CORO2B: variants seen among roughly 807,000 people sequenced by gnomAD.
CORO2B encodes the protein coronin-2B.
Under a neutral mutation model 58.8 loss-of-function variants are expected in CORO2B, and 26 were observed. The ratio of observed to expected loss-of-function variants is 0.44; its 90% CI spans 0.32 to 0.61. The LOEUF (loss-of-function observed/expected upper bound fraction) is 0.61, where lower values mean the gene tolerates loss of function less well. Ranked by LOEUF, CORO2B falls within the 20% of genes least tolerant of loss-of-function variation. The pLI is 0.04. For synonymous variants in CORO2B, 242 were observed against 253.8 expected, an observed-to-expected ratio of 0.95 and a Z score of 0.44; for missense variants, 460 against 645.1, an observed-to-expected ratio of 0.71 and a Z score of 3.11.
chr15:68,725,310 A>G (rs1011417166), intron 11 of CORO2B, among the ~76,000 whole-genome samples: 1 of 152,196 alleles, frequency 6.6e-6, no homozygotes, highest in Non-Finnish European at 1.5e-5. Context: ...CAGAGGTTGC[A>G]GTGAGCCGAA....
intron 2 of CORO2B, among the ~76,000 whole-genome samples, chr15:68,654,257 G>T (rs944046394): frequency 3.3e-5 from 5 of 152,218 alleles, no homozygotes; most frequent in Non-Finnish European, 7.3e-5. Flanking sequence ...TATGGGATGG[G>T]TGTTCTCTGG....
intron 2 of CORO2B, among the ~76,000 whole-genome samples, chr15:68,670,093 T>A (rs931396904): frequency 2.6e-5 from 4 of 151,992 alleles, no homozygotes; most frequent in Non-Finnish European, 5.9e-5. Context: ...AAGAAAAATT[T>A]AAAAATTTTT....
At chr15:68,527,963 T>G in the CORO2B span, among the ~76,000 whole-genome samples, 4 of 152,316 alleles carry the variant, frequency 2.6e-5, no homozygotes, top group African/African-American at 7.2e-5. Flanking sequence ...AGCTGATCTT[T>G]ACTTATTAGC....
intron 9 of CORO2B, 71 bp downstream of exon 9, chr15:68,718,881 G>T: frequency 7.6e-7 from 1 of 1,322,824 alleles, no homozygotes; most frequent in South Asian, 1.2e-5. Context: ...CACTGACCAT[G>T]ACCCTGGAGA....
At chr15:68,613,518 G>T (rs920042854) in intron 1 of CORO2B, among the ~76,000 whole-genome samples, 5 of 152,132 alleles carry the variant, frequency 3.3e-5, no homozygotes, top group Non-Finnish European at 5.9e-5. Flanking sequence ...GGCTGGCAAG[G>T]TTCTCCCTGA....
chr15:68,564,752 G>T, the CORO2B span, among the ~76,000 whole-genome samples: 2 of 152,194 alleles, frequency 1.3e-5, no homozygotes, highest in African/African-American at 4.8e-5. Flanking sequence ...AAAGTAAACG[G>T]TCAAATCATA....
chr15:68,549,766 C>T, the CORO2B span, among the ~76,000 whole-genome samples: 1 of 152,190 alleles, frequency 6.6e-6, no homozygotes, highest in Admixed American at 6.5e-5. Context: ...TGGTGAAACC[C>T]TGTCTCTACT....
At chr15:68,723,082 A>G (rs1297212987) in intron 11 of CORO2B, among the ~76,000 whole-genome samples, 1 of 151,246 alleles carries the variant, frequency 6.6e-6, no homozygotes, top group African/African-American at 2.4e-5. Context: ...AAACAAAAAC[A>G]AAAGGAGAGA....
intron 2 of CORO2B, among the ~76,000 whole-genome samples, chr15:68,649,617 T>C (rs1182501495): frequency 6.6e-6 from 1 of 152,242 alleles, no homozygotes; most frequent in African/African-American, 2.4e-5. Flanking sequence ...TATCTGTCAA[T>C]AGTTAGCATA....
chr15:68,637,198 C>T (rs1467235523), intron 1 of CORO2B, among the ~76,000 whole-genome samples: 1 of 152,182 alleles, frequency 6.6e-6, no homozygotes, highest in African/African-American at 2.4e-5. Context: ...AGAGAAATGG[C>T]ACAGTCCATG....
chr15:68,697,383 C>T (rs555094580), intron 3 of CORO2B, among the ~76,000 whole-genome samples: 2 of 152,262 alleles, frequency 1.3e-5, no homozygotes, highest in East Asian at 1.9e-4. Context: ...AAGATAAACA[C>T]ATGAACAAGT....
At chr15:68,677,256 G>A (rs534899764) in intron 2 of CORO2B, among the ~76,000 whole-genome samples, 29 of 152,260 alleles carry the variant, frequency 1.9e-4, no homozygotes, top group South Asian at 6.2e-4. Flanking sequence ...ATATTTGCAG[G>A]GTGCACTGCT....
Position 68,645,354 on chromosome 15 carries a change from G to A in CORO2B, c.210G>A (p.Leu70=). Residue 70 remains leucine, a synonymous_variant, in exon 2 of 12, where the codon CTG becomes CTA. Coordinates refer to ENST00000261861, the MANE Select transcript of CORO2B (RefSeq NM_006091.5). This position sits in a 1 kb window ranked among gnomAD's most constrained non-coding sequence, Gnocchi z 4.5. The stretch of plus-strand genomic sequence containing the variant: ...GCGGCTCCTTCCTCGTCATCCCCCT[G>A]GAGCAGGTAGGTGGCCCCTACCTTC... ...AGGGSFLVIP[L]EQTGRIEPNY... 3 of 1,610,144 alleles carry A rather than the reference G, an allele frequency of 1.9e-6. No individual in the cohort carries two copies. Among genetic ancestry groups the A allele is most frequent in the Non-Finnish European group, 1.7e-6 (2 of 1,179,882 alleles).
At chr15:68,600,256 T>G (rs1246868195) in intron 1 of CORO2B, among the ~76,000 whole-genome samples, 1 of 152,186 alleles carries the variant, frequency 6.6e-6, no homozygotes, top group Non-Finnish European at 1.5e-5. Context: ...AAAATTGCAC[T>G]CCTCCGTGGA....
chr15:68,598,556 A>T (rs906117304), intron 1 of CORO2B, among the ~76,000 whole-genome samples: 22 of 152,240 alleles, frequency 1.4e-4, no homozygotes, highest in Admixed American at 7.8e-4. Context: ...AGACTAGAGA[A>T]GCCAGTCCCT....
intron 1 of CORO2B, among the ~76,000 whole-genome samples, chr15:68,625,875 G>C (rs575348586): frequency 1.6e-4 from 25 of 152,150 alleles, no homozygotes; most frequent in Non-Finnish European, 2.9e-4. Context: ...AAAATGCTGG[G>C]ATTACAGGCA....
intron 1 of CORO2B, chr15:68,616,582 T>C: frequency 1.0e-6 from 1 of 985,462 alleles, no homozygotes; most frequent in Non-Finnish European, 1.2e-6. Flanking sequence ...TGTGCAAGTC[T>C]TCCAGGCCGC....
chr15:68,612,277 T>C (rs1336844759), intron 1 of CORO2B, among the ~76,000 whole-genome samples: 1 of 152,274 alleles, frequency 6.6e-6, no homozygotes, highest in Non-Finnish European at 1.5e-5. Context: ...ACTATACTTA[T>C]TAAGCTCTTA....
At chr15:68,611,958 A>C (rs1411547496) in intron 1 of CORO2B, among the ~76,000 whole-genome samples, 3 of 151,928 alleles carry the variant, frequency 2.0e-5, no homozygotes, top group Non-Finnish European at 4.4e-5. Flanking sequence ...TTTCATAGAG[A>C]CTGGGTCTTG....
Sources: allele counts gnomAD v4.1 joint callset (sites outside exome capture counted in the v4.1 genomes callset), GRCh38; gene constraint gnomAD v4.1.1; non-coding constraint Gnocchi (gnomAD v3.1); transcripts MANE v1.5; gene names NCBI Gene and HGNC (gene_info 2026-07-23, HGNC 2026-07-21).